Variants in SLC5A4 observed in about 807,000 individuals in gnomAD.
SLC5A4 encodes the protein probable glucose sensor protein SLC5A4.
SLC5A4 carries 55 observed loss-of-function variants against 70.3 expected under a neutral mutation model. The ratio of observed to expected loss-of-function variants is 0.78; its 90% CI spans 0.63 to 0.98. SLC5A4 has a LOEUF of 0.98. Among genes scored for constraint, SLC5A4 ranks in the 50% least tolerant of loss-of-function variants. The pLI, the probability that SLC5A4 is intolerant of heterozygous loss-of-function variation, is 0.00. For missense variants in SLC5A4, 735 were observed against 839.2 expected (o/e 0.88, Z 1.53); for synonymous variants, 268 against 305.7 (o/e 0.88, Z 1.29).
the SLC5A4 span, among the ~76,000 whole-genome samples, chr22:32,316,735 A>G: frequency 0.44 from 67,325 of 151,314 alleles, 15,301 homozygotes; most frequent in East Asian, 0.65. Context: ...ATGAGATTTC[A>G]CCATGTTGGC....
the SLC5A4 span, among the ~76,000 whole-genome samples, chr22:32,353,814 G>A: frequency 1.3e-5 from 2 of 150,946 alleles, no homozygotes; most frequent in Admixed American, 6.6e-5. Context: ...GTGTAGCCAC[G>A]AATAGTGCCC....
the SLC5A4 span, among the ~76,000 whole-genome samples, chr22:32,305,763 G>C: frequency 6.6e-6 from 1 of 151,322 alleles, no homozygotes; most frequent in Non-Finnish European, 1.5e-5. Flanking sequence ...TACGAGATGA[G>C]AAACAAGAGG....
chr22:32,349,431 G>T, the SLC5A4 span, among the ~76,000 whole-genome samples: 39,754 of 152,082 alleles, frequency 0.26, 6,085 homozygotes, highest in East Asian at 0.54. Context: ...AACTCCACCT[G>T]TCCCAGGGCC....
chr22:32,245,601 A>G (rs1274933490), intron 5 of SLC5A4, among the ~76,000 whole-genome samples: 1 of 151,942 alleles, frequency 6.6e-6, no homozygotes, highest in Non-Finnish European at 1.5e-5. Context: ...GTTCACTGCA[A>G]CCTCTGCCTC....
chr22:32,280,079 G>T, the SLC5A4 span, among the ~76,000 whole-genome samples: 1 of 152,152 alleles, frequency 6.6e-6, no homozygotes, highest in African/African-American at 2.4e-5. Flanking sequence ...GCAATGGCAC[G>T]ATCTCTGCTC....
At chr22:32,263,257 C>T in the SLC5A4 span, among the ~76,000 whole-genome samples, 11 of 152,140 alleles carry the variant, frequency 7.2e-5, no homozygotes, top group Non-Finnish European at 1.2e-4. Flanking sequence ...ATTCAGCCTC[C>T]CAAAGTGCTG....
chr22:32,325,225 C>T, the SLC5A4 span, among the ~76,000 whole-genome samples: 15 of 152,360 alleles, frequency 9.8e-5, no homozygotes, highest in African/African-American at 3.6e-4. Context: ...GTGCTGGGGG[C>T]TCAGAACTGA....
At chr22:32,246,426 G>A (rs777400699) in intron 5 of SLC5A4, among the ~76,000 whole-genome samples, 10 of 152,174 alleles carry the variant, frequency 6.6e-5, no homozygotes, top group Non-Finnish European at 1.2e-4. Flanking sequence ...CGATACATGA[G>A]GAGCAAATAA....
At chr22:32,221,789 T>A (rs1327194387) in intron 13 of SLC5A4, among the ~76,000 whole-genome samples, 1 of 152,206 alleles carries the variant, frequency 6.6e-6, no homozygotes, top group Non-Finnish European at 1.5e-5. Flanking sequence ...TTCCATCTTG[T>A]TGCCCAGCTG....
chr22:32,272,596 T>C, the SLC5A4 span: 1 of 617,206 alleles, frequency 1.6e-6, no homozygotes, highest in South Asian at 1.9e-5. Flanking sequence ...AACACCCAGC[T>C]GGGTTTTCTG....
intron 8 of SLC5A4, among the ~76,000 whole-genome samples, chr22:32,233,857 GAAC>G (rs1452800662): frequency 6.9e-6 from 1 of 143,938 alleles, no homozygotes; most frequent in Non-Finnish European, 1.5e-5. Flanking sequence ...TTAATTCCAG[GAAC>G]CAAAAAAAAA....
chr22:32,324,260 C>CAT, the SLC5A4 span, among the ~76,000 whole-genome samples: 25 of 130,158 alleles, frequency 1.9e-4, no homozygotes, highest in Admixed American at 1.9e-3. Flanking sequence ...TATATACACA[C>CAT]ATATATGTAT....
the SLC5A4 span, chr22:32,272,414 T>G: frequency 1.1e-6 from 1 of 901,438 alleles, no homozygotes; most frequent in Non-Finnish European, 1.8e-6. Flanking sequence ...ATGGCCTTCA[T>G]GGTCGACAGG....
At chr22:32,350,165 CT>C in the SLC5A4 span, among the ~76,000 whole-genome samples, 1 of 152,158 alleles carries the variant, frequency 6.6e-6, no homozygotes, top group African/African-American at 2.4e-5. Flanking sequence ...CAGAAATTAC[CT>C]TAGCTCCTCT....
At chr22:32,333,837 C>T in the SLC5A4 span, among the ~76,000 whole-genome samples, 1 of 149,316 alleles carries the variant, frequency 6.7e-6, no homozygotes, top group Non-Finnish European at 1.5e-5. Context: ...CACATAGACC[C>T]TCACAATATA....
the SLC5A4 span, among the ~76,000 whole-genome samples, chr22:32,274,859 G>T: frequency 6.6e-6 from 1 of 152,148 alleles, no homozygotes; most frequent in African/African-American, 2.4e-5. Context: ...TTTTTCCAAT[G>T]ATTTTCTTAA....
At chr22:32,307,045 A>C in the SLC5A4 span, among the ~76,000 whole-genome samples, 50,598 of 151,974 alleles carry the variant, frequency 0.33, 8,574 homozygotes, top group Admixed American at 0.42. Flanking sequence ...GTTTAGGGTC[A>C]TTCAACAGGG....
the SLC5A4 span, among the ~76,000 whole-genome samples, chr22:32,347,335 C>A: frequency 6.6e-6 from 1 of 152,142 alleles, no homozygotes; most frequent in African/African-American, 2.4e-5. Flanking sequence ...TACCATTTGA[C>A]CCAGCCATCC....
the SLC5A4 span, chr22:32,269,837 G>C: frequency 3.1e-6 from 2 of 644,200 alleles, no homozygotes; most frequent in African/African-American, 3.6e-5. The surrounding 1 kb of genome is among the most constrained non-coding windows in gnomAD (Gnocchi z 4.1). Context: ...AGGGCAGTCA[G>C]ATCTACATGC....
Sources: allele counts gnomAD v4.1 joint callset (sites outside exome capture counted in the v4.1 genomes callset), GRCh38; gene constraint gnomAD v4.1.1; non-coding constraint Gnocchi (gnomAD v3.1); transcripts MANE v1.5; gene names NCBI Gene and HGNC (gene_info 2026-07-23, HGNC 2026-07-21).